DSG1: variants seen among roughly 807,000 people sequenced by gnomAD.
DSG1 encodes the protein desmoglein-1.
Under a neutral mutation model 97.5 loss-of-function variants are expected in DSG1, and 39 were observed. The observed-to-expected ratio is 0.40, with a 90% CI of 0.31 to 0.52. DSG1 has a LOEUF of 0.52. DSG1 is among the 20% of genes least tolerant of loss of function. The pLI, the probability that DSG1 is intolerant of heterozygous loss-of-function variation, is 0.53. For synonymous variants in DSG1, 475 were observed against 443.4 expected (o/e 1.07, Z -0.90); for missense variants, 1,311 against 1,295.4 (o/e 1.01, Z -0.18).
intron 13 of DSG1, among the ~76,000 whole-genome samples, chr18:31,344,306 A>G (rs531126734): frequency 1.3e-5 from 2 of 152,192 alleles, no homozygotes; most frequent in Admixed American, 1.3e-4. Flanking sequence ...TTAATTTAAT[A>G]GAGCAAATTT....
At position 31,354,485 on chromosome 18, in the gene DSG1, A is replaced by T; in HGVS notation, c.2289A>T (p.Leu763=). 6.2e-7 allele frequency: 1 copy of T among 1,614,196 alleles called. No homozygotes were observed. The highest frequency in any genetic ancestry group is 8.5e-7 in the Non-Finnish European group (1 of 1,180,036). ...PKFKKLADIS[L]GKESYPDLDP... ...TTAAGAAGTTGGCAGACATCAGCCTAGGAAAAGAATCATATCCAGACCTTG... is the reference window on the plus strand; with the variant it reads ...TTAAGAAGTTGGCAGACATCAGCCTTGGAAAAGAATCATATCCAGACCTTG... The change falls in exon 15 of 15, where the codon CTA becomes CTT. Residue 763 remains leucine, a synonymous_variant. Coordinates refer to ENST00000257192, the MANE Select transcript of DSG1 (RefSeq NM_001942.4).
intron 13 of DSG1, among the ~76,000 whole-genome samples, chr18:31,345,661 C>T (rs1426901716): frequency 6.6e-6 from 1 of 152,030 alleles, no homozygotes; most frequent in Non-Finnish European, 1.5e-5. Context: ...GTTTTTTTAA[C>T]TTTCAGAATT....
rs755340755 is a variant in DSG1, at chr18:31,354,407, C to G, written c.2211C>G (p.Ser737Arg). The G allele has an allele frequency of 6.2e-7, 1 of 1,614,040 alleles. No homozygotes were observed. Among genetic ancestry groups the G allele is most frequent in the Middle Eastern group, 1.6e-4 (1 of 6,084 alleles). The stretch of plus-strand genomic sequence containing the variant: ...CTGCTGGCTCTGTGGGTTGTTGTAG[C>G]TTCATTGGAGAAGACCTGGATGACA... The part of the protein sequence containing the change: ...GSPAGSVGCC[S>R]FIGEDLDDSF... Residue 737 changes from serine (S) to arginine (R), a missense_variant, in exon 15 of 15, where the codon AGC (serine) becomes AGG (arginine). By Grantham distance (110) the Ser-to-Arg change is moderately radical. Transcript: ENST00000257192.
chr18:31,338,257 T>G, intron 9 of DSG1, 58 bp from the exon 10 acceptor site: 6 of 1,537,562 alleles, frequency 3.9e-6, no homozygotes, highest in Non-Finnish European at 5.4e-6. Context: ...CATTTTAAAT[T>G]AAAATTTCTT....
rs757721076 is a variant in DSG1 at position 31,355,055 on chromosome 18, G to T, written c.2859G>T (p.Glu953Asp). The change falls in exon 15 of 15, where the codon GAG becomes GAT. Residue 953 changes from glutamate to aspartate, a missense_variant. Around this residue, in one of 3 missense-constraint regions of DSG1, gnomAD observed 1,038 missense variants for 964.6 expected, o/e 1.08. Transcript: ENST00000257192. ...ATGCCCACAATGTCATTGTGACAGA[G>T]AGGGTTGTTTCTGGTGCTGGCGTAA... ...LANAHNVIVT[E>D]RVVSGAGVTG... is the part of the protein sequence containing the mutation. 1.9e-5 allele frequency: 30 copies of T among 1,614,110 alleles called. 1 individual carries two copies. The South Asian group carries it at 3.3e-4, about 18-fold the overall frequency.
chr18:31,358,073 C>T lies in DSG1; in HGVS notation c.*2727C>T, dbSNP rs1025955773. Among the ~76,000 whole-genome samples the T allele has an allele frequency of 4.6e-5, 7 of 151,816 alleles. No individual in the cohort carries two copies. The highest frequency in any genetic ancestry group is 1.7e-4 in the African/African-American group (7 of 41,388). ...ATGGAAATTATTTTATAAGTGAATA[C>T]TATAATTAGGATTCAAGCTGAGTTT... On this transcript the variant is annotated 3_prime_UTR_variant, in exon 15 of 15. Coordinates refer to ENST00000257192, the MANE Select transcript of DSG1 (RefSeq NM_001942.4).
intron 1 of DSG1, among the ~76,000 whole-genome samples, chr18:31,324,743 T>C (rs2071675706): frequency 6.6e-6 from 1 of 152,132 alleles, no homozygotes; most frequent in Admixed American, 6.6e-5. Flanking sequence ...CCAGCGTACC[T>C]CCTTCTCACC....
rs560066399 is a variant in DSG1, at chr18:31,343,974, A to G, written c.1870A>G (p.Ile624Val). 1 of 1,612,728 alleles carries G rather than the reference A, an allele frequency of 6.2e-7. No individual in the cohort carries two copies. Reference protein sequence around the residue: ...PQIPPDNANIIECIDNSGVYT... With the variant: ...PQIPPDNANIVECIDNSGVYT... ...AATACCACCTGATAACGCAAATATAATTGAATGCATTGACAACTCAGGTAA... is the reference window on the plus strand; with the variant it reads ...AATACCACCTGATAACGCAAATATAGTTGAATGCATTGACAACTCAGGTAA... The change falls in exon 13 of 15, where the codon ATT (isoleucine) becomes GTT (valine). Residue 624 changes from isoleucine to valine, a missense_variant. Ile to Val is a conservative substitution (Grantham distance 29). Transcript: ENST00000257192.
chr18:31,347,824 A>G (rs953861874), intron 14 of DSG1: 2 of 152,104 alleles, frequency 1.3e-5, no homozygotes, highest in Admixed American at 6.5e-5. Flanking sequence ...ACTCCATCTG[A>G]AGGAAAGAAA....
At chr18:31,330,089 G>T in intron 5 of DSG1, 53 bp downstream of exon 5, 1 of 1,589,934 alleles carries the variant, frequency 6.3e-7, no homozygotes, top group Non-Finnish European at 8.6e-7. Flanking sequence ...CACCTAACTG[G>T]AGACTAAACT....
Position 31,326,869 on chromosome 18 carries a change from T to G in DSG1, c.85-5T>G. 6.2e-7 allele frequency: 1 copy of G among 1,613,302 alleles called. No homozygotes were observed. Among genetic ancestry groups the G allele is most frequent in the Non-Finnish European group, 8.5e-7 (1 of 1,179,472 alleles). ...TATACCATTTCTTTATTGCTGTCATTTAAGGTAAGAGATTATAACACTAAA... is the reference window on the plus strand; with the variant it reads ...TATACCATTTCTTTATTGCTGTCATGTAAGGTAAGAGATTATAACACTAAA... On this transcript the variant is annotated splice_region_variant and splice_polypyrimidine_tract_variant and intron_variant, in intron 2 of 14. Coordinates refer to ENST00000257192, the MANE Select transcript of DSG1 (RefSeq NM_001942.4).
chr18:31,355,336 A>C lies in DSG1; in HGVS notation c.3140A>C (p.Tyr1047Ser). The C allele has an allele frequency of 6.2e-7, 1 of 1,614,172 alleles. No homozygotes were observed. The highest frequency in any genetic ancestry group is 8.5e-7 in the Non-Finnish European group (1 of 1,180,010). Residue 1047 changes from tyrosine to serine, a missense_variant, in exon 15 of 15, where the codon TAT (tyrosine) becomes TCT (serine). Physicochemically the swap from Tyr to Ser is moderately radical, Grantham distance 144. This residue lies in a region of DSG1 where 1,038 missense variants were observed against 964.6 expected (regional missense o/e 1.08). Coordinates refer to ENST00000257192, the MANE Select transcript of DSG1 (RefSeq NM_001942.4). The stretch of plus-strand genomic sequence containing the variant: ...ATCACAAAGTATAGTACCGTGCAAT[A>C]TAGCAAGTAGTCAGGACCCCAGCTC... ...SRITKYSTVQ[Y>S]SK
chr18:31,334,181 G>A lies in DSG1; in HGVS notation c.984G>A (p.Val328=), dbSNP rs2144096193. The change falls in exon 8 of 15, where the codon GTG becomes GTA. Residue 328 remains valine (V), a synonymous_variant. Transcript: ENST00000257192. Reference sequence around the variant, plus strand: ...TAGAAATGAATGAAAGAACAAATGTGGGAATTTTAAAGGTTGTTAAGGTAT... The same window carrying A: ...TAGAAATGAATGAAAGAACAAATGTAGGAATTTTAAAGGTTGTTAAGGTAT... ...FEIEMNERTN[V]GILKVVKPLD... The A allele has an allele frequency of 1.9e-6, 3 of 1,604,212 alleles. No homozygotes were observed. The highest frequency in any genetic ancestry group is 2.6e-6 in the Non-Finnish European group (3 of 1,171,768).
At chr18:31,348,345 C>T (rs1183654389) in intron 14 of DSG1, among the ~76,000 whole-genome samples, 1 of 151,962 alleles carries the variant, frequency 6.6e-6, no homozygotes, top group African/African-American at 2.4e-5. Context: ...ATATGTGCCA[C>T]ATTTTCTTAA....
chr18:31,331,909 C>G, intron 6 of DSG1, 42 bp downstream of exon 6: 1 of 1,586,590 alleles, frequency 6.3e-7, no homozygotes, highest in African/African-American at 1.3e-5. Context: ...CTCAAAGGAA[C>G]TGATTCTAAA....
rs144118738 is a variant in DSG1, at chr18:31,343,859, T to A, written c.1822-67T>A. 6.0e-4 allele frequency: 808 copies of A among 1,343,520 alleles called. 6 individuals carry two copies. The African/African-American group carries it at 0.01, about 17-fold the overall frequency. The allele number at this position is 1,343,520 out of a possible 1,614,324, so 83.2% of individuals were successfully genotyped here. ...TGAGGTAATTTAAGAATAAACCAAA[T>A]GTATGACTGCAGAAAGATTATAGTC... On this transcript the variant is annotated intron_variant, in intron 12 of 14. Transcript: ENST00000257192.
intron 1 of DSG1, among the ~76,000 whole-genome samples, chr18:31,320,862 G>T (rs772153900): frequency 2.0e-5 from 3 of 152,224 alleles, no homozygotes; most frequent in Non-Finnish European, 4.4e-5. Flanking sequence ...GAGCCAGAGG[G>T]ATCTCTATGG....
intron 5 of DSG1, 114 bp from the exon 6 acceptor site, chr18:31,331,587 G>A (rs2144093264): frequency 1.1e-6 from 1 of 892,630 alleles, no homozygotes; most frequent in Non-Finnish European, 1.8e-6. Context: ...GGAAGACAGT[G>A]AAGTCCACAT....
Position 31,354,197 on chromosome 18 carries a change from C to T in DSG1, c.2101-100C>T, listed in dbSNP as rs2144126080. ...TAAAATCTTGTTTTATTTCATTCCT[C>T]TTTGGAAATGCTCTGGAAGAAAAAC... On this transcript the variant is annotated intron_variant, in intron 14 of 14. Coordinates refer to ENST00000257192, the MANE Select transcript of DSG1 (RefSeq NM_001942.4). 3 of 1,024,406 alleles carry T rather than the reference C, an allele frequency of 2.9e-6. No homozygotes were observed. The East Asian group carries it at 7.3e-5, about 25-fold the overall frequency. 63.5% of individuals were successfully genotyped at this position (1,024,406 alleles called of 1,614,324 possible).
Sources: gnomAD v4.1 joint callset for allele counts (sites outside exome capture counted in the v4.1 genomes callset) on GRCh38, gnomAD v4.1.1 for gene constraint, gnomAD v4.1.1 regional missense constraint, MANE v1.5 for transcripts, NCBI Gene and HGNC (gene_info 2026-07-23, HGNC 2026-07-21) for gene names.